Variants in THOC1 observed in about 807,000 individuals in gnomAD.
THOC1 encodes the protein THO complex 1.
A neutral mutation model predicts 97.3 loss-of-function variants in THOC1; 29 were observed. The observed-to-expected ratio is 0.30, with a 90% CI of 0.22 to 0.41. THOC1 has a LOEUF of 0.41. Among genes scored for constraint, THOC1 ranks in the 10% least tolerant of loss-of-function variants. The probability of loss-of-function intolerance (pLI) is 1.00; values close to 1 mark genes in which losing one functional copy is unlikely to be tolerated. For synonymous variants in THOC1, 255 were observed against 257.0 expected (o/e 0.99, Z 0.07); for missense variants, 529 against 761.9 (o/e 0.69, Z 3.60).
intron 11 of THOC1, among the ~76,000 whole-genome samples, chr18:237,567 A>G (rs1489402871): frequency 6.6e-6 from 1 of 152,034 alleles, no homozygotes; most frequent in Non-Finnish European, 1.5e-5. Context: ...AAGCCTAAAC[A>G]CCAAATGTTT....
chr18:236,640 G>C (rs1035124662), intron 11 of THOC1, among the ~76,000 whole-genome samples: 2 of 152,028 alleles, frequency 1.3e-5, no homozygotes. Context: ...TGGGATTACA[G>C]GCGTGAGCCA....
At chr18:215,659 C>A (rs1910855030) in intron 19 of THOC1, 155 bp from the exon 20 acceptor site, 1 of 599,600 alleles carries the variant, frequency 1.7e-6, no homozygotes, top group Non-Finnish European at 3.0e-6. Context: ...GGTAAGGATC[C>A]TAAGTGGGAC....
At chr18:221,261 A>G (rs1037088965) in intron 17 of THOC1, among the ~76,000 whole-genome samples, 1 of 152,094 alleles carries the variant, frequency 6.6e-6, no homozygotes, top group African/African-American at 2.4e-5. Flanking sequence ...AATTTATTAA[A>G]TTCTGAGAAA....
chr18:226,327 G>A (rs1911284607), intron 12 of THOC1: 1 of 154,774 alleles, frequency 6.5e-6, no homozygotes, highest in Non-Finnish European at 1.4e-5. Context: ...ATGGATGGAA[G>A]TATTTAGATA....
At chr18:241,827 T>C (rs1033126877) in intron 11 of THOC1, among the ~76,000 whole-genome samples, 1 of 152,210 alleles carries the variant, frequency 6.6e-6, no homozygotes, top group African/African-American at 2.4e-5. Context: ...TTGGTATAAG[T>C]TGAACAATTA....
chr18:238,307 A>G (rs1206304599), intron 11 of THOC1, among the ~76,000 whole-genome samples: 4 of 152,256 alleles, frequency 2.6e-5, no homozygotes, highest in Non-Finnish European at 5.9e-5. Context: ...GGCAGGAGCT[A>G]TCAAGTCTCA....
chr18:228,492 T>G (rs1911372770), intron 11 of THOC1, among the ~76,000 whole-genome samples: 2 of 151,224 alleles, frequency 1.3e-5, no homozygotes, highest in Admixed American at 1.3e-4. Flanking sequence ...ATTATGGATA[T>G]TATGTAGGTA....
chr18:263,444 A>G (rs1912668043), intron 4 of THOC1: 1 of 152,308 alleles, frequency 6.6e-6, no homozygotes, highest in Non-Finnish European at 1.5e-5. Context: ...TTCTTTCCTC[A>G]TCATTCTCAT....
chr18:235,830 T>G (rs778718594), intron 11 of THOC1, among the ~76,000 whole-genome samples: 1 of 152,210 alleles, frequency 6.6e-6, no homozygotes, highest in Admixed American at 6.5e-5. Flanking sequence ...TTCTATTTGT[T>G]CTATACTACA....
intron 11 of THOC1, chr18:245,370 G>A (rs1411392636): frequency 1.3e-5 from 2 of 152,020 alleles, no homozygotes; most frequent in East Asian, 1.9e-4. Context: ...GGGCCCCTGA[G>A]TCCAAAAGTC....
chr18:223,352 T>C, intron 17 of THOC1, 88 bp downstream of exon 17: 5 of 1,066,392 alleles, frequency 4.7e-6, no homozygotes, highest in Non-Finnish European at 6.6e-6. Flanking sequence ...TTAAATTTCA[T>C]TTGAGCTCTG....
chr18:214,688 T>C lies in THOC1; in HGVS notation c.1912A>G (p.Asn638Asp), dbSNP rs761073200. ...ATPENLINAL[N>D]KSGLSDLAES... Reference sequence around the variant, plus strand: ...GCAAGGTCACTTAATCCAGACTTATTCAGTGCATTAATCAGATTCTCAGGT... The same window carrying C: ...GCAAGGTCACTTAATCCAGACTTATCCAGTGCATTAATCAGATTCTCAGGT... The change falls in exon 21 of 21, where the codon AAT becomes GAT. Residue 638 changes from asparagine (N) to aspartate (D), a missense_variant. Transcript: ENST00000261600. The C allele has an allele frequency of 6.2e-7, 1 of 1,613,962 alleles. No individual in the cohort carries two copies. The highest frequency in any genetic ancestry group is 2.2e-5 in the East Asian group (1 of 44,886).
chr18:225,309 T>C, intron 13 of THOC1, 28 bp downstream of exon 13: 1 of 1,610,228 alleles, frequency 6.2e-7, no homozygotes, highest in Non-Finnish European at 8.5e-7. Context: ...ATTTTTTCAA[T>C]CATGGGTTTG....
intron 13 of THOC1, 22 bp from the exon 14 acceptor site, chr18:225,161 T>C (rs1400125913): frequency 6.4e-7 from 1 of 1,558,086 alleles, no homozygotes; most frequent in Admixed American, 2.0e-5. Flanking sequence ...AAGAATATAC[T>C]AAGCTTTCAA....
chr18:251,376 A>G (rs1278272291), intron 9 of THOC1, among the ~76,000 whole-genome samples: 2 of 152,202 alleles, frequency 1.3e-5, no homozygotes, highest in African/African-American at 4.8e-5. Flanking sequence ...AGTAATGGAA[A>G]TTCTTTCAAT....
At chr18:224,594 A>T (rs951636096) in intron 15 of THOC1, among the ~76,000 whole-genome samples, 1 of 146,308 alleles carries the variant, frequency 6.8e-6, no homozygotes, top group Non-Finnish European at 1.5e-5. Context: ...AAAAAAAAAA[A>T]TGAAAACTTC....
Position 264,007 on chromosome 18 carries a change from AAAACG to A in THOC1, c.256+14_256+18del. ...TGTCCAAGATTACTTTAAACAAAAC[AAAACG>A]GAACCATACTTACCTTCAGTTACTC... On this transcript the variant is annotated intron_variant, in intron 4 of 20. Coordinates refer to ENST00000261600, the MANE Select transcript of THOC1 (RefSeq NM_005131.3). The A allele has an allele frequency of 6.3e-7, 1 of 1,594,966 alleles. No homozygotes were observed. Among genetic ancestry groups the A allele is most frequent in the Non-Finnish European group, 8.6e-7 (1 of 1,165,560 alleles).
Position 224,083 on chromosome 18 carries a change from C to G in THOC1, c.1304+1G>C. 1.3e-6 allele frequency: 2 copies of G among 1,593,836 alleles called. No individual in the cohort carries two copies. The highest frequency in any genetic ancestry group is 1.7e-6 in the Non-Finnish European group (2 of 1,165,712). ...TCCCACATGAAGACAAATTCACCTACTTTCCCATCAGAATTTTTTTGGTGG... is the reference window on the plus strand; with the variant it reads ...TCCCACATGAAGACAAATTCACCTAGTTTCCCATCAGAATTTTTTTGGTGG... On this transcript the variant is annotated splice_donor_variant, in intron 16 of 20. Coordinates refer to ENST00000261600, the MANE Select transcript of THOC1 (RefSeq NM_005131.3). LOFTEE classifies it high-confidence loss of function.
chr18:225,924 T>C (rs879408767), intron 12 of THOC1: 1 of 153,066 alleles, frequency 6.5e-6, no homozygotes, highest in African/African-American at 2.4e-5. Context: ...CTGAACACTT[T>C]ACATACATTA....
Sources: gnomAD v4.1 joint callset for allele counts (sites outside exome capture counted in the v4.1 genomes callset) on GRCh38, gnomAD v4.1.1 for gene constraint, MANE v1.5 for transcripts, NCBI Gene and HGNC (gene_info 2026-07-23, HGNC 2026-07-21) for gene names.